The following ROBO1 variants were observed in gnomAD, a reference collection of about 807,000 sequenced individuals.
ROBO1 encodes roundabout guidance receptor 1.
Under a neutral mutation model 195.9 loss-of-function variants are expected in ROBO1, and 149 were observed. That is an observed-to-expected ratio of 0.76 (90% CI 0.67 to 0.87). The LOEUF (loss-of-function observed/expected upper bound fraction) is 0.87, where lower values mean the gene tolerates loss of function less well. Among genes scored for constraint, ROBO1 ranks in the 40% least tolerant of loss-of-function variants. ROBO1 has a pLI of 0.00. For synonymous variants in ROBO1, 816 were observed against 733.2 expected (o/e 1.11, Z -1.82); for missense variants, 1,933 against 2,068.3 (o/e 0.93, Z 1.27).
chr3:79,377,117 T>C (rs2036412329), intron 2 of ROBO1, among the ~76,000 whole-genome samples: 1 of 152,196 alleles, frequency 6.6e-6, no homozygotes, highest in Non-Finnish European at 1.5e-5. Context: ...CACCTACTTA[T>C]TGTATTTGTG....
intron 2 of ROBO1, chr3:79,507,905 C>T (rs1332621341): frequency 6.5e-6 from 1 of 154,610 alleles, no homozygotes; most frequent in African/African-American, 2.4e-5. Flanking sequence ...GAGCTCTAAT[C>T]CAATATTACT....
intron 5 of ROBO1, among the ~76,000 whole-genome samples, chr3:78,721,082 A>C (rs2082034348): frequency 2.6e-5 from 4 of 152,112 alleles, no homozygotes; most frequent in Non-Finnish European, 5.9e-5. Context: ...ATGCACCCTA[A>C]AACTTAAAGT....
chr3:79,519,703 G>A (rs1941124486), intron 2 of ROBO1, among the ~76,000 whole-genome samples: 1 of 151,302 alleles, frequency 6.6e-6, no homozygotes, highest in South Asian at 2.1e-4. Context: ...GTCCCAGCCA[G>A]GAGAAGGTTG....
chr3:79,390,314 A>T (rs2036900358), intron 2 of ROBO1, among the ~76,000 whole-genome samples: 1 of 152,108 alleles, frequency 6.6e-6, no homozygotes, highest in Admixed American at 6.6e-5. Context: ...GAGGAAAAAA[A>T]AATCCAGAGC....
At chr3:79,090,953 T>C (rs1313718802) in intron 3 of ROBO1, among the ~76,000 whole-genome samples, 1 of 152,216 alleles carries the variant, frequency 6.6e-6, no homozygotes, top group Non-Finnish European at 1.5e-5. Flanking sequence ...ATAATAAGAA[T>C]AATCATAGTT....
chr3:78,835,626 T>C (rs1419453160), intron 4 of ROBO1, among the ~76,000 whole-genome samples: 1 of 134,884 alleles, frequency 7.4e-6, no homozygotes, highest in African/African-American at 2.4e-5. Context: ...TCCATAGTTT[T>C]AAGCAGACAA....
chr3:79,695,507 T>A (rs55670614), intron 1 of ROBO1, among the ~76,000 whole-genome samples: 2 of 151,288 alleles, frequency 1.3e-5, no homozygotes, highest in African/African-American at 2.4e-5. Context: ...GCTTTTTCTC[T>A]CTTCTTTCCT....
At chr3:79,063,058 A>G (rs2078948063) in intron 3 of ROBO1, among the ~76,000 whole-genome samples, 1 of 152,006 alleles carries the variant, frequency 6.6e-6, no homozygotes, top group Admixed American at 6.6e-5. Context: ...GATAGTAAAC[A>G]TTTTAGTCTT....
intron 1 of ROBO1, among the ~76,000 whole-genome samples, chr3:79,688,609 T>C (rs1005296308): frequency 1.3e-5 from 2 of 152,110 alleles, no homozygotes; most frequent in African/African-American, 2.4e-5. Context: ...GTTGGTTGCA[T>C]ATTAATTATA....
chr3:79,441,864 C>A (rs1045905870), intron 2 of ROBO1, among the ~76,000 whole-genome samples: 1 of 152,048 alleles, frequency 6.6e-6, no homozygotes, highest in Admixed American at 6.6e-5. Context: ...AATTGATAGA[C>A]CTTATAACCA....
chr3:78,912,447 C>A (rs1223491131), intron 4 of ROBO1, among the ~76,000 whole-genome samples: 2 of 152,050 alleles, frequency 1.3e-5, no homozygotes, highest in Admixed American at 1.3e-4. Context: ...GGCACGTTGG[C>A]CATTTTAACC....
chr3:78,725,575 C>T (rs1380415868), intron 5 of ROBO1, among the ~76,000 whole-genome samples: 1 of 152,094 alleles, frequency 6.6e-6, no homozygotes, highest in South Asian at 2.1e-4. Context: ...AGAGAATAAT[C>T]AGGTTTAAGA....
At chr3:79,434,596 C>T (rs907806133) in intron 2 of ROBO1, among the ~76,000 whole-genome samples, 12 of 152,024 alleles carry the variant, frequency 7.9e-5, no homozygotes, top group African/African-American at 2.9e-4. Context: ...GAAATAGGAA[C>T]ACTTTTACAC....
At chr3:78,960,543 G>A (rs2107828930) in intron 3 of ROBO1, among the ~76,000 whole-genome samples, 1 of 152,096 alleles carries the variant, frequency 6.6e-6, no homozygotes, top group Admixed American at 6.6e-5. Flanking sequence ...CACTTTGGGA[G>A]GCCAAGGCAG....
intron 1 of ROBO1, among the ~76,000 whole-genome samples, chr3:79,600,953 G>A (rs1944321131): frequency 6.6e-6 from 1 of 151,952 alleles, no homozygotes; most frequent in South Asian, 2.1e-4. Flanking sequence ...GAATGACAGT[G>A]CCTACTCAAG....
chr3:79,155,868 C>T (rs777674081), intron 2 of ROBO1, among the ~76,000 whole-genome samples: 1 of 151,776 alleles, frequency 6.6e-6, no homozygotes, highest in Non-Finnish European at 1.5e-5. Context: ...GTCAGCTCTT[C>T]ATTTTCAACA....
intron 1 of ROBO1, among the ~76,000 whole-genome samples, chr3:79,646,785 T>C (rs1317336756): frequency 6.6e-6 from 1 of 152,154 alleles, no homozygotes. Context: ...GAGGTTACTA[T>C]GTTAAGTGAA....
intron 3 of ROBO1, among the ~76,000 whole-genome samples, chr3:79,010,348 T>C (rs1437194956): frequency 6.6e-6 from 1 of 152,136 alleles, no homozygotes; most frequent in Admixed American, 6.5e-5. Context: ...GCTTAACTTG[T>C]TGAACCTCAT....
intron 3 of ROBO1, among the ~76,000 whole-genome samples, chr3:78,970,074 A>G (rs1179463398): frequency 6.6e-6 from 1 of 152,172 alleles, no homozygotes; most frequent in Non-Finnish European, 1.5e-5. Context: ...TTATTTCTTA[A>G]AATGAGAGGA....
Sources: gnomAD v4.1 joint callset for allele counts (sites outside exome capture counted in the v4.1 genomes callset) on GRCh38, gnomAD v4.1.1 for gene constraint, MANE v1.5 for transcripts, NCBI Gene and HGNC (gene_info 2026-07-23, HGNC 2026-07-21) for gene names.